Variants in SUGCT observed in about 807,000 individuals in gnomAD.
The protein encoded by SUGCT is succinyl-CoA:glutarate-CoA transferase.
In SUGCT, 41 loss-of-function variants were observed where a neutral mutation model predicts 55.0. That is an observed-to-expected ratio of 0.74 (90% CI 0.58 to 0.97). The LOEUF (loss-of-function observed/expected upper bound fraction) is 0.97, where lower values mean the gene tolerates loss of function less well. Ranked by LOEUF, SUGCT falls within the 50% of genes least tolerant of loss-of-function variation. SUGCT has a pLI of 0.00. For missense variants in SUGCT, 568 were observed against 547.8 expected (o/e 1.04, Z -0.37); for synonymous variants, 187 against 200.4 (o/e 0.93, Z 0.56).
At chr7:40,686,563 C>T (rs1177929568) in intron 12 of SUGCT, among the ~76,000 whole-genome samples, 3 of 152,058 alleles carry the variant, frequency 2.0e-5, no homozygotes, top group Non-Finnish European at 2.9e-5. Flanking sequence ...TAGGATTTGA[C>T]GACTGACAGC....
chr7:40,898,698 A>G, the SUGCT span, among the ~76,000 whole-genome samples: 1 of 142,890 alleles, frequency 7.0e-6, no homozygotes, highest in East Asian at 2.0e-4. Context: ...GACTCCGTCT[A>G]AAAAAAAAAA....
At chr7:40,810,380 G>A (rs535849332) in intron 13 of SUGCT, among the ~76,000 whole-genome samples, 2 of 152,122 alleles carry the variant, frequency 1.3e-5, no homozygotes, top group African/African-American at 2.4e-5. Context: ...TTACATTCCC[G>A]CCAACAATGT....
At chr7:41,000,063 A>ATTTTG in the SUGCT span, among the ~76,000 whole-genome samples, 1 of 152,034 alleles carries the variant, frequency 6.6e-6, no homozygotes, top group African/African-American at 2.4e-5. Flanking sequence ...GGAGTGTTTT[A>ATTTTG]TTTTGTTTTG....
chr7:40,667,456 T>A (rs919149661), intron 12 of SUGCT, among the ~76,000 whole-genome samples: 1 of 152,136 alleles, frequency 6.6e-6, no homozygotes. Flanking sequence ...GATGCTGGCT[T>A]CATAGAATGA....
intron 6 of SUGCT, among the ~76,000 whole-genome samples, chr7:40,224,299 A>T (rs867425704): frequency 4.6e-5 from 7 of 152,120 alleles, no homozygotes; most frequent in South Asian, 2.1e-4. Context: ...TAATATGAAG[A>T]CAAATTTTGC....
intron 12 of SUGCT, among the ~76,000 whole-genome samples, chr7:40,542,381 C>T (rs1719685623): frequency 1.3e-5 from 2 of 152,136 alleles, no homozygotes; most frequent in Non-Finnish European, 2.9e-5. Flanking sequence ...TCCCTTTCTC[C>T]AGGGATACCT....
chr7:40,999,754 T>C, the SUGCT span, among the ~76,000 whole-genome samples: 1 of 152,156 alleles, frequency 6.6e-6, no homozygotes, highest in Non-Finnish European at 1.5e-5. Flanking sequence ...TGGTGGGACT[T>C]TTACCTTTCC....
At chr7:41,003,806 G>C in the SUGCT span, among the ~76,000 whole-genome samples, 1 of 152,146 alleles carries the variant, frequency 6.6e-6, no homozygotes, top group Non-Finnish European at 1.5e-5. Context: ...ATTCCAGGAG[G>C]TTCTCTCTGA....
At chr7:40,298,733 G>T (rs1239585970) in intron 8 of SUGCT, among the ~76,000 whole-genome samples, 1 of 151,486 alleles carries the variant, frequency 6.6e-6, no homozygotes, top group African/African-American at 2.4e-5. Flanking sequence ...TCTTGTGAAG[G>T]AATTTTTTTT....
chr7:40,398,025 G>A (rs892601411), intron 9 of SUGCT, among the ~76,000 whole-genome samples: 1 of 152,170 alleles, frequency 6.6e-6, no homozygotes, highest in Non-Finnish European at 1.5e-5. Context: ...TGTCTCCATG[G>A]ACAACCCTCA....
the SUGCT span, among the ~76,000 whole-genome samples, chr7:40,942,353 G>T: frequency 1.3e-5 from 2 of 152,144 alleles, no homozygotes; most frequent in African/African-American, 4.8e-5. Context: ...ATTATTGGCT[G>T]ATAGTTATTC....
At chr7:40,780,485 C>T (rs1334127776) in intron 13 of SUGCT, among the ~76,000 whole-genome samples, 1 of 152,148 alleles carries the variant, frequency 6.6e-6, no homozygotes, top group Non-Finnish European at 1.5e-5. Context: ...ATCTGCTGAT[C>T]CCTCTGTCCT....
At chr7:40,200,245 G>C (rs1786515117) in intron 6 of SUGCT, among the ~76,000 whole-genome samples, 1 of 152,120 alleles carries the variant, frequency 6.6e-6, no homozygotes, top group African/African-American at 2.4e-5. Flanking sequence ...AAACAATGTA[G>C]ACATTGTCCT....
At chr7:40,942,766 T>TA in the SUGCT span, among the ~76,000 whole-genome samples, 7 of 126,502 alleles carry the variant, frequency 5.5e-5, no homozygotes, top group African/African-American at 1.3e-4. Context: ...AAATTCTCTG[T>TA]CTTTTTTTTT....
intron 1 of SUGCT, chr7:40,153,567 C>A: frequency 2.1e-6 from 1 of 479,720 alleles, no homozygotes; most frequent in Non-Finnish European, 4.1e-6. Context: ...CATTTTGGAC[C>A]TATCAACTCT....
At chr7:40,135,175 T>G (rs1270836660) in intron 1 of SUGCT, 55 bp downstream of exon 1, 2 of 1,507,824 alleles carry the variant, frequency 1.3e-6, no homozygotes, top group African/African-American at 2.9e-5. Flanking sequence ...CCAGCTTGCC[T>G]CCTCGGGCGC....
the SUGCT span, chr7:40,965,192 C>A: frequency 1.3e-5 from 2 of 152,178 alleles, no homozygotes; most frequent in Non-Finnish European, 2.9e-5. Flanking sequence ...GACATTAGTA[C>A]AAGAAAAATA....
At chr7:40,903,459 A>C in the SUGCT span, among the ~76,000 whole-genome samples, 4 of 152,168 alleles carry the variant, frequency 2.6e-5, no homozygotes, top group African/African-American at 9.7e-5. Flanking sequence ...CTTTGCTAGG[A>C]CACCAGTCTG....
At chr7:40,601,400 C>G (rs1798280538) in intron 12 of SUGCT, among the ~76,000 whole-genome samples, 1 of 152,212 alleles carries the variant, frequency 6.6e-6, no homozygotes, top group African/African-American at 2.4e-5. Flanking sequence ...GTCCTTGCCA[C>G]AAATCTTTGA....
Sources: gnomAD v4.1 joint callset for allele counts (sites outside exome capture counted in the v4.1 genomes callset) on GRCh38, gnomAD v4.1.1 for gene constraint, MANE v1.5 for transcripts, NCBI Gene and HGNC (gene_info 2026-07-23, HGNC 2026-07-21) for gene names.